Variants in ITGB6 observed in about 807,000 individuals in gnomAD.
ITGB6 encodes integrin subunit beta 6.
A neutral mutation model predicts 84.5 loss-of-function variants in ITGB6; 80 were observed. That is an observed-to-expected ratio of 0.95 (90% CI 0.79 to 1.14). The LOEUF (loss-of-function observed/expected upper bound fraction) is 1.14. Among genes scored for constraint, ITGB6 ranks in the 50% most tolerant of loss-of-function variants. ITGB6 has a pLI of 0.00. For missense variants in ITGB6, 1,006 were observed against 968.0 expected (o/e 1.04, Z -0.52); for synonymous variants, 383 against 354.9 (o/e 1.08, Z -0.89).
intron 10 of ITGB6, among the ~76,000 whole-genome samples, chr2:160,131,074 A>G (rs558639522): frequency 4.4e-4 from 67 of 151,708 alleles, no homozygotes; most frequent in Non-Finnish European, 8.2e-4. Context: ...TCATACAATA[A>G]CAACAACAAC....
At chr2:160,110,972 T>G (rs1364275377) in intron 13 of ITGB6, among the ~76,000 whole-genome samples, 1 of 152,184 alleles carries the variant, frequency 6.6e-6, no homozygotes, top group Non-Finnish European at 1.5e-5. Flanking sequence ...TTTTCCCTAC[T>G]ACAAAAGCAT....
At chr2:160,118,872 T>C (rs1398069492) in intron 12 of ITGB6, among the ~76,000 whole-genome samples, 9 of 151,960 alleles carry the variant, frequency 5.9e-5, no homozygotes, top group African/African-American at 1.2e-4. Context: ...ACACCAATAA[T>C]AGACAAACAG....
In ITGB6 at chr2:160,196,401, C is replaced by A; in HGVS notation, c.161G>T (p.Gly54Val). 1 of 1,611,948 alleles carries A rather than the reference C, an allele frequency of 6.2e-7. No homozygotes were observed. The highest frequency in any genetic ancestry group is 8.5e-7 in the Non-Finnish European group (1 of 1,179,114). ...TGGGGTATCACACCTTTCGCCAACT[C>A]CAGATGGATGAGTAAAATTCTAAAA... ...CAQENFTHPS[G>V]VGERCDTPAN... Residue 54 changes from glycine to valine, a missense_variant, in exon 3 of 15, where the codon GGA becomes GTA. Physicochemically the swap from Gly to Val is moderately radical, Grantham distance 109 (BLOSUM62 -3). Transcript: ENST00000283249.
intron 13 of ITGB6, among the ~76,000 whole-genome samples, chr2:160,111,056 C>T (rs1158926934): frequency 6.6e-6 from 1 of 151,990 alleles, no homozygotes; most frequent in Non-Finnish European, 1.5e-5. Context: ...TGTTGTGGTG[C>T]CACTCTTATT....
chr2:160,131,038 A>G (rs1434824516), intron 10 of ITGB6, among the ~76,000 whole-genome samples: 3 of 152,150 alleles, frequency 2.0e-5, no homozygotes, highest in Admixed American at 2.0e-4. Context: ...GATATCCTCA[A>G]ACAACCAGTT....
chr2:160,181,028 A>G lies in ITGB6; in HGVS notation c.594-6889T>C, dbSNP rs897041479. Among the ~76,000 whole-genome samples the G allele has an allele frequency of 2.6e-5, 4 of 152,248 alleles. No individual in the cohort carries two copies. The South Asian group carries it at 6.2e-4, about 24-fold the overall frequency. On this transcript the variant is annotated intron_variant, in intron 4 of 14. Coordinates refer to ENST00000283249, the MANE Select transcript of ITGB6 (RefSeq NM_000888.5). ...GATTCCCTCGGGTGCCTATATCACC[A>G]GGGCCCTGGGTCTCAAGCACAAAAC...
intron 12 of ITGB6, among the ~76,000 whole-genome samples, chr2:160,116,668 A>C (rs1682784513): frequency 6.6e-6 from 1 of 152,228 alleles, no homozygotes; most frequent in Non-Finnish European, 1.5e-5. Flanking sequence ...TAACAATATT[A>C]ACTTTAAATG....
chr2:160,196,376 T>C lies in ITGB6; in HGVS notation c.186A>G (p.Pro62=). ...GACATCCTTTAGCTAAAAGGTTTGCTGGGGTATCACACCTTTCGCCAACTC... is the reference window on the plus strand; with the variant it reads ...GACATCCTTTAGCTAAAAGGTTTGCCGGGGTATCACACCTTTCGCCAACTC... ...PSGVGERCDT[P]ANLLAKGCQL... is the part of the protein sequence containing the mutation. Residue 62 remains proline (P), a synonymous_variant, in exon 3 of 15, where the codon CCA becomes CCG. Transcript: ENST00000283249. 1 of 1,614,084 alleles carries C rather than the reference T, an allele frequency of 6.2e-7. No individual in the cohort carries two copies. Among genetic ancestry groups the C allele is most frequent in the Non-Finnish European group, 8.5e-7 (1 of 1,179,978 alleles).
At chr2:160,108,214 AGTGTGTGTGTGTGTGTGT>A in intron 13 of ITGB6, among the ~76,000 whole-genome samples, 1 of 142,818 alleles carries the variant, frequency 7.0e-6, no homozygotes, top group East Asian at 2.0e-4. Flanking sequence ...GCAGAAATGG[AGTGTGTGTGTGTGTGTGT>A]GTGTGTGTGT....
chr2:160,195,689 T>A, intron 3 of ITGB6, 74 bp from the exon 4 acceptor site: 1 of 1,547,962 alleles, frequency 6.5e-7, no homozygotes, highest in African/African-American at 1.4e-5. Context: ...ACTCGCTGGG[T>A]CAGCTGGCTA....
chr2:160,116,543 C>T (rs898215030), intron 12 of ITGB6, among the ~76,000 whole-genome samples: 3 of 152,156 alleles, frequency 2.0e-5, no homozygotes, highest in Non-Finnish European at 2.9e-5. Context: ...CAACTGGTAC[C>T]AGCCACTGCA....
chr2:160,113,413 G>T (rs1200186645), intron 12 of ITGB6, among the ~76,000 whole-genome samples: 1 of 152,226 alleles, frequency 6.6e-6, no homozygotes, highest in Non-Finnish European at 1.5e-5. Context: ...AACAGTGTCT[G>T]TGAGAAGTAT....
chr2:160,148,421 CACTT>C (rs2105834076), intron 7 of ITGB6, among the ~76,000 whole-genome samples: 1 of 152,302 alleles, frequency 6.6e-6, no homozygotes, highest in African/African-American at 2.4e-5. Context: ...ACAAAACAAA[CACTT>C]ACTATATGAT....
At chr2:160,137,930 T>C (rs1215140279) in intron 9 of ITGB6, 79 bp from the exon 10 acceptor site, 1 of 1,547,424 alleles carries the variant, frequency 6.5e-7, no homozygotes, top group Non-Finnish European at 8.8e-7. Flanking sequence ...GAAATCAGCT[T>C]TGCCAAAAGC....
At chr2:160,120,668 TA>T (rs200095827) in intron 12 of ITGB6, among the ~76,000 whole-genome samples, 763 of 16,136 alleles carry the variant, frequency 0.047, 78 homozygotes, top group African/African-American at 0.078. Context: ...AGAGTATAAT[TA>T]AAAAAAAAAA....
Position 160,119,569 on chromosome 2 carries a change from G to A in ITGB6, c.1981+4222C>T, listed in dbSNP as rs1424750675. On this transcript the variant is annotated intron_variant, in intron 12 of 14. Transcript: ENST00000283249. The stretch of plus-strand genomic sequence containing the variant: ...ACCTAAAACCATAAAAACCCTAGAA[G>A]AAAACCTAGGCAATACCATTCAGGA... Among the ~76,000 whole-genome samples the A allele has an allele frequency of 3.3e-5, 5 of 152,094 alleles. No homozygotes were observed. In the East Asian group the frequency reaches 7.7e-4, roughly 23 times the overall value.
At chr2:160,141,233 G>C (rs1003053408) in intron 8 of ITGB6, among the ~76,000 whole-genome samples, 2 of 151,176 alleles carry the variant, frequency 1.3e-5, no homozygotes, top group Admixed American at 6.6e-5. Context: ...TTCTCTCTCT[G>C]TGTGTGTATT....
chr2:160,143,222 C>T (rs368276804), intron 7 of ITGB6, among the ~76,000 whole-genome samples: 3 of 152,020 alleles, frequency 2.0e-5, no homozygotes, highest in African/African-American at 7.2e-5. Context: ...GAGGTTGAGG[C>T]TGCAGTGAGC....
rs1277734097 is a variant in ITGB6 at position 160,099,715 on chromosome 2, CA to C, written c.*2020del. On this transcript the variant is annotated 3_prime_UTR_variant, in exon 15 of 15. Coordinates refer to ENST00000283249, the MANE Select transcript of ITGB6 (RefSeq NM_000888.5). ...TGTTTATTTATATCAACACAAAATA[CA>C]ATAATAAACACGACAAAACCATTTT... The C allele has an allele frequency of 6.6e-6, 1 of 152,128 alleles. No homozygotes were observed. Among genetic ancestry groups the C allele is most frequent in the Non-Finnish European group, 1.5e-5 (1 of 68,008 alleles). The allele number at this position is 152,128 out of a possible 1,614,324, so 9.4% of individuals were successfully genotyped here.
Sources: allele counts gnomAD v4.1 joint callset (sites outside exome capture counted in the v4.1 genomes callset), GRCh38; gene constraint gnomAD v4.1.1; transcripts MANE v1.5; gene names NCBI Gene and HGNC (gene_info 2026-07-23, HGNC 2026-07-21).